KHDRBS2: variants seen among roughly 807,000 people sequenced by gnomAD.
KHDRBS2 encodes the protein KH RNA binding domain containing, signal transduction associated 2, also known as KH domain-containing, RNA-binding, signal transduction-associated protein 2.
In KHDRBS2, 26 loss-of-function variants were observed where a neutral mutation model predicts 44.3. That is an observed-to-expected ratio of 0.59 (90% CI 0.43 to 0.81). The LOEUF is 0.81. KHDRBS2 is among the 40% of genes least tolerant of loss of function. KHDRBS2 has a pLI of 0.00. For missense variants in KHDRBS2, 476 were observed against 433.1 expected, an observed-to-expected ratio of 1.10 and a Z score of -0.88; for synonymous variants, 194 against 151.1, an observed-to-expected ratio of 1.28 and a Z score of -2.08.
chr6:61,912,789 T>C (rs1806284641), intron 4 of KHDRBS2, among the ~76,000 whole-genome samples: 1 of 152,168 alleles, frequency 6.6e-6, no homozygotes, highest in South Asian at 2.1e-4. Flanking sequence ...CTCAATCCTA[T>C]TCTGTATGTT....
At chr6:61,669,363 T>A in the KHDRBS2 span, among the ~76,000 whole-genome samples, 1 of 150,856 alleles carries the variant, frequency 6.6e-6, no homozygotes, top group African/African-American at 2.4e-5. Flanking sequence ...ATATGCAACA[T>A]CATTGTAAGG....
At chr6:62,064,667 C>T in intron 2 of KHDRBS2, among the ~76,000 whole-genome samples, 1 of 151,900 alleles carries the variant, frequency 6.6e-6, no homozygotes. Flanking sequence ...AGACCTAAAA[C>T]CATAAAAACC....
intron 1 of KHDRBS2, among the ~76,000 whole-genome samples, chr6:62,183,602 T>C (rs1028160626): frequency 6.6e-6 from 1 of 151,672 alleles, no homozygotes; most frequent in African/African-American, 2.4e-5. Flanking sequence ...AGAATCCAGA[T>C]ACATTTAATT....
At chr6:62,079,583 A>G (rs1797005259) in intron 2 of KHDRBS2, among the ~76,000 whole-genome samples, 1 of 152,114 alleles carries the variant, frequency 6.6e-6, no homozygotes, top group Admixed American at 6.6e-5. Flanking sequence ...AAACAACAAA[A>G]AGGAATTTCA....
chr6:61,728,900 A>T (rs189126908), intron 7 of KHDRBS2, among the ~76,000 whole-genome samples: 1 of 152,178 alleles, frequency 6.6e-6, no homozygotes, highest in African/African-American at 2.4e-5. Context: ...TAGTTCAGCC[A>T]TTGTGGAAGA....
chr6:61,668,616 T>C, the KHDRBS2 span, among the ~76,000 whole-genome samples: 1 of 151,092 alleles, frequency 6.6e-6, no homozygotes, highest in Non-Finnish European at 1.5e-5. Context: ...ATGAGAATTA[T>C]TAGATCTCAG....
chr6:62,050,728 A>G (rs1453217536), intron 2 of KHDRBS2, among the ~76,000 whole-genome samples: 1 of 152,012 alleles, frequency 6.6e-6, no homozygotes, highest in Non-Finnish European at 1.5e-5. Flanking sequence ...TCATTTTAAG[A>G]CTGGCAGTTA....
At chr6:61,800,976 C>A (rs1385156028) in intron 6 of KHDRBS2, among the ~76,000 whole-genome samples, 3 of 152,068 alleles carry the variant, frequency 2.0e-5, no homozygotes, top group Non-Finnish European at 2.9e-5. Context: ...GGCAGGACAT[C>A]CTGGGTGCAT....
At chr6:62,063,070 C>T (rs1049973465) in intron 2 of KHDRBS2, among the ~76,000 whole-genome samples, 1 of 142,988 alleles carries the variant, frequency 7.0e-6, no homozygotes, top group Non-Finnish European at 1.5e-5. Flanking sequence ...TCTCCCAAGA[C>T]TAAACCAGGA....
chr6:62,066,797 C>T (rs1376836879), intron 2 of KHDRBS2, among the ~76,000 whole-genome samples: 1 of 151,490 alleles, frequency 6.6e-6, no homozygotes, highest in African/African-American at 2.4e-5. Context: ...AAATTCATTT[C>T]CAAGTGAAAC....
At chr6:61,942,191 T>G (rs1812269124) in intron 4 of KHDRBS2, among the ~76,000 whole-genome samples, 1 of 152,030 alleles carries the variant, frequency 6.6e-6, no homozygotes, top group South Asian at 2.1e-4. Flanking sequence ...ACTCTTGGCC[T>G]CAAGTGATCC....
intron 6 of KHDRBS2, among the ~76,000 whole-genome samples, chr6:61,739,245 T>C (rs759325630): frequency 1.3e-5 from 2 of 151,924 alleles, no homozygotes; most frequent in African/African-American, 4.8e-5. Context: ...TTGCTTATTA[T>C]CTGATTCAGC....
chr6:62,041,388 T>C (rs1300717135), intron 3 of KHDRBS2, among the ~76,000 whole-genome samples: 1 of 152,098 alleles, frequency 6.6e-6, no homozygotes, highest in Non-Finnish European at 1.5e-5. Context: ...CCTAAAATAA[T>C]AGACCATCCT....
chr6:62,162,940 G>C (rs150510034), intron 2 of KHDRBS2, among the ~76,000 whole-genome samples: 105 of 152,090 alleles, frequency 6.9e-4, no homozygotes, highest in African/African-American at 2.4e-3. Context: ...AAGAATACTG[G>C]TTGAATCTGA....
chr6:61,657,614 A>T, the KHDRBS2 span, among the ~76,000 whole-genome samples: 1 of 151,994 alleles, frequency 6.6e-6, no homozygotes, highest in Non-Finnish European at 1.5e-5. Flanking sequence ...GTTGGTTAGC[A>T]GATAGAGCTT....
At chr6:61,920,753 TA>T (rs1807932845) in intron 4 of KHDRBS2, among the ~76,000 whole-genome samples, 1 of 151,858 alleles carries the variant, frequency 6.6e-6, no homozygotes, top group Non-Finnish European at 1.5e-5. Context: ...GCAGTCAGAG[TA>T]CGTTTAGACA....
At chr6:61,784,718 T>C (rs1014528527) in intron 6 of KHDRBS2, among the ~76,000 whole-genome samples, 3 of 152,206 alleles carry the variant, frequency 2.0e-5, no homozygotes, top group African/African-American at 7.2e-5. Flanking sequence ...TAATTTCACA[T>C]GGTTCAACTT....
intron 6 of KHDRBS2, among the ~76,000 whole-genome samples, chr6:61,892,842 G>A (rs528050727): frequency 5.9e-5 from 9 of 152,224 alleles, no homozygotes; most frequent in East Asian, 1.9e-4. Flanking sequence ...ATAGGCATGG[G>A]CAAGGACTTC....
the KHDRBS2 span, among the ~76,000 whole-genome samples, chr6:61,662,757 C>T: frequency 1.2e-4 from 18 of 151,908 alleles, no homozygotes; most frequent in African/African-American, 3.9e-4. Flanking sequence ...ACAACAGGTG[C>T]TGGAGAGGAT....
Sources: gnomAD v4.1 joint callset for allele counts (sites outside exome capture counted in the v4.1 genomes callset) on GRCh38, gnomAD v4.1.1 for gene constraint, MANE v1.5 for transcripts, NCBI Gene and HGNC (gene_info 2026-07-23, HGNC 2026-07-21) for gene names.